Variants in NCAM2 observed in about 807,000 individuals in gnomAD.
NCAM2 encodes the protein neural cell adhesion molecule 2.
A neutral mutation model predicts 98.1 loss-of-function variants in NCAM2; 30 were observed. That is an observed-to-expected ratio of 0.31 (90% confidence interval 0.23 to 0.41). NCAM2 has a LOEUF of 0.41. Ranked by LOEUF, NCAM2 falls within the 10% of genes least tolerant of loss-of-function variation. The pLI is 1.00. For synonymous variants in NCAM2, 368 were observed against 342.4 expected, an observed-to-expected ratio of 1.07 and a Z score of -0.83; for missense variants, 867 against 1,005.8, an observed-to-expected ratio of 0.86 and a Z score of 1.87.
chr21:21,059,920 A>G (rs1209073045), intron 1 of NCAM2, among the ~76,000 whole-genome samples: 4 of 152,112 alleles, frequency 2.6e-5, no homozygotes, highest in Non-Finnish European at 5.9e-5. Flanking sequence ...TCTAGAAGTT[A>G]AAGGGCTGTA....
At chr21:21,406,768 G>C (rs1281853421) in intron 9 of NCAM2, among the ~76,000 whole-genome samples, 1 of 152,084 alleles carries the variant, frequency 6.6e-6, no homozygotes, top group East Asian at 1.9e-4. Context: ...TGATAAGATT[G>C]ATGGACACAT....
chr21:21,338,013 G>C (rs117806321), intron 7 of NCAM2, among the ~76,000 whole-genome samples: 2,186 of 152,012 alleles, frequency 0.014, 44 homozygotes, highest in Admixed American at 0.038. Context: ...ACATATATGT[G>C]CACACATATG....
chr21:21,306,183 GT>G (rs1228285958), intron 5 of NCAM2, among the ~76,000 whole-genome samples: 1 of 152,072 alleles, frequency 6.6e-6, no homozygotes, highest in African/African-American at 2.4e-5. Flanking sequence ...TAATGTTTTG[GT>G]AATTATCAGT....
At chr21:21,190,280 C>T (rs1189395594) in intron 1 of NCAM2, among the ~76,000 whole-genome samples, 1 of 152,150 alleles carries the variant, frequency 6.6e-6, no homozygotes, top group Non-Finnish European at 1.5e-5. Flanking sequence ...AGAATGTGTG[C>T]TCTGAACAAA....
chr21:21,516,565 TA>T (rs1988723840), intron 16 of NCAM2, among the ~76,000 whole-genome samples: 1 of 152,136 alleles, frequency 6.6e-6, no homozygotes, highest in African/African-American at 2.4e-5. Context: ...AATGTTCCTG[TA>T]ATATCACATT....
intron 1 of NCAM2, among the ~76,000 whole-genome samples, chr21:21,155,846 T>C: frequency 6.6e-6 from 1 of 152,132 alleles, no homozygotes; most frequent in East Asian, 1.9e-4. Context: ...TTAAAAAATA[T>C]TTTCATTGCC....
intron 9 of NCAM2, among the ~76,000 whole-genome samples, chr21:21,396,516 G>A (rs2145851663): frequency 6.6e-6 from 1 of 152,140 alleles, no homozygotes; most frequent in East Asian, 2.0e-4. Context: ...CTTCCACTGG[G>A]CTCATTCTGC....
intron 1 of NCAM2, among the ~76,000 whole-genome samples, chr21:21,264,955 G>GTATATATACACATATATATTATA (rs1568854747): frequency 1.2e-5 from 1 of 80,820 alleles, no homozygotes; most frequent in Non-Finnish European, 2.9e-5. Flanking sequence ...ATATATATGT[G>GTATATATACACATATATATTATA]TATGTGTATA....
At chr21:21,471,463 G>A (rs1247557252) in intron 14 of NCAM2, among the ~76,000 whole-genome samples, 1 of 151,802 alleles carries the variant, frequency 6.6e-6, no homozygotes, top group Non-Finnish European at 1.5e-5. Context: ...GTGGAATAAA[G>A]TGCAACTGAA....
chr21:21,415,330 CTTTTTTTTTT>C (rs34997215), intron 10 of NCAM2, among the ~76,000 whole-genome samples: 2 of 70,804 alleles, frequency 2.8e-5, no homozygotes, highest in Admixed American at 2.2e-4. Flanking sequence ...TTAGCTTGAT[CTTTTTTTTTT>C]TTTTTTTTTT....
At chr21:21,534,723 G>T in intron 17 of NCAM2, 67 bp downstream of exon 17, 2 of 1,264,522 alleles carry the variant, frequency 1.6e-6, no homozygotes, top group Admixed American at 2.9e-5. Flanking sequence ...CATTATTATT[G>T]TTGTATTACA....
intron 1 of NCAM2, among the ~76,000 whole-genome samples, chr21:21,046,216 CTG>C (rs1269625645): frequency 3.9e-5 from 6 of 152,174 alleles, no homozygotes; most frequent in African/African-American, 1.4e-4. Context: ...CAGCAGGACA[CTG>C]TGAACTTGTT....
At chr21:21,306,089 A>G (rs145186800) in intron 5 of NCAM2, among the ~76,000 whole-genome samples, 1 of 152,164 alleles carries the variant, frequency 6.6e-6, no homozygotes, top group Non-Finnish European at 1.5e-5. Flanking sequence ...ATTTGATTCT[A>G]ATGAGGTCAG....
At chr21:21,330,627 AT>A (rs1473234140) in intron 6 of NCAM2, among the ~76,000 whole-genome samples, 3 of 151,996 alleles carry the variant, frequency 2.0e-5, no homozygotes, top group Non-Finnish European at 2.9e-5. Flanking sequence ...GAAGTCTTCT[AT>A]ATTTTTTTGT....
chr21:21,145,324 A>G (rs1326064803), intron 1 of NCAM2, among the ~76,000 whole-genome samples: 1 of 152,188 alleles, frequency 6.6e-6, no homozygotes, highest in Non-Finnish European at 1.5e-5. Context: ...ATTATGCATA[A>G]TGTCCTTCAC....
At chr21:21,509,289 C>T (rs928206373) in intron 16 of NCAM2, among the ~76,000 whole-genome samples, 1 of 152,054 alleles carries the variant, frequency 6.6e-6, no homozygotes, top group Admixed American at 6.6e-5. Context: ...ATGGGATCTT[C>T]ACTGAAAAGA....
rs760459830 is a variant in NCAM2, at chr21:21,292,085, C to G, written c.482-19C>G. On this transcript the variant is annotated intron_variant, in intron 4 of 17. Coordinates refer to ENST00000400546, the MANE Select transcript of NCAM2 (RefSeq NM_004540.5). ...CTTCAATTACTGATACCATTTTCTC[C>G]CCTTTGCTTTCTTTCCAGATCGGTT... 2 of 1,598,916 alleles carry G rather than the reference C, an allele frequency of 1.3e-6. No individual in the cohort carries two copies. Among genetic ancestry groups the G allele is most frequent in the South Asian group, 2.3e-5 (2 of 88,386 alleles).
At chr21:21,413,549 A>G (rs2076929125) in intron 10 of NCAM2, among the ~76,000 whole-genome samples, 1 of 152,212 alleles carries the variant, frequency 6.6e-6, no homozygotes, top group South Asian at 2.1e-4. Context: ...ACCTCAATAA[A>G]GTAAATATCT....
At chr21:21,235,988 C>A (rs976836897) in intron 1 of NCAM2, among the ~76,000 whole-genome samples, 3 of 152,028 alleles carry the variant, frequency 2.0e-5, no homozygotes, top group Non-Finnish European at 2.9e-5. Context: ...TGTGTACTTA[C>A]TGAGTTAATG....
Sources: allele counts gnomAD v4.1 joint callset (sites outside exome capture counted in the v4.1 genomes callset), GRCh38; gene constraint gnomAD v4.1.1; transcripts MANE v1.5; gene names NCBI Gene and HGNC (gene_info 2026-07-23, HGNC 2026-07-21).